SNX29: variants seen among roughly 807,000 people sequenced by gnomAD.
The protein encoded by SNX29 is sorting nexin-29.
Under a neutral mutation model 102.1 loss-of-function variants are expected in SNX29, and 78 were observed. The ratio of observed to expected loss-of-function variants is 0.76; its 90% CI spans 0.64 to 0.92. The LOEUF is 0.92. Ranked by LOEUF, SNX29 falls within the 40% of genes least tolerant of loss-of-function variation. The pLI is 0.00. For synonymous variants in SNX29, 580 were observed against 414.5 expected, an observed-to-expected ratio of 1.40 and a Z score of -4.85; for missense variants, 1,280 against 1,061.7, an observed-to-expected ratio of 1.21 and a Z score of -2.86.
At chr16:12,406,271 A>C (rs1243983984) in intron 18 of SNX29, among the ~76,000 whole-genome samples, 1 of 152,248 alleles carries the variant, frequency 6.6e-6, no homozygotes, top group Non-Finnish European at 1.5e-5. Flanking sequence ...CCATTGTGAA[A>C]GGGAAATGTG....
chr16:12,553,740 A>G (rs983146240), intron 20 of SNX29, among the ~76,000 whole-genome samples: 4 of 151,924 alleles, frequency 2.6e-5, no homozygotes, highest in African/African-American at 4.8e-5. Flanking sequence ...TGCACATGCC[A>G]CCACCCCCAG....
intron 18 of SNX29, among the ~76,000 whole-genome samples, chr16:12,449,007 G>C (rs2086186002): frequency 6.6e-6 from 1 of 152,158 alleles, no homozygotes; most frequent in African/African-American, 2.4e-5. Flanking sequence ...TGAGGAAGAA[G>C]ACTCAGTTTA....
At chr16:12,544,152 C>T (rs1226776865) in intron 20 of SNX29, among the ~76,000 whole-genome samples, 2 of 152,210 alleles carry the variant, frequency 1.3e-5, no homozygotes, top group Non-Finnish European at 2.9e-5. Flanking sequence ...CGGCATCATT[C>T]CTAAGAACAC....
intron 18 of SNX29, among the ~76,000 whole-genome samples, chr16:12,438,063 G>C (rs768922228): frequency 6.6e-6 from 1 of 152,212 alleles, no homozygotes; most frequent in Non-Finnish European, 1.5e-5. Context: ...GGCTTACTGA[G>C]AGTTTCCTGT....
intron 4 of SNX29, among the ~76,000 whole-genome samples, chr16:12,030,000 G>A (rs1596639107): frequency 6.6e-6 from 1 of 152,220 alleles, no homozygotes; most frequent in African/African-American, 2.4e-5. Context: ...CACAGTTACT[G>A]TTGCTGAGCT....
At chr16:12,407,077 C>T (rs757560231) in intron 18 of SNX29, among the ~76,000 whole-genome samples, 42 of 152,298 alleles carry the variant, frequency 2.8e-4, no homozygotes, top group Non-Finnish European at 3.4e-4. Context: ...GCTCTCCTAG[C>T]GTGTGGGATG....
chr16:12,155,302 AGAAAAAT>A (rs1421135299), intron 13 of SNX29, among the ~76,000 whole-genome samples: 3 of 152,234 alleles, frequency 2.0e-5, no homozygotes, highest in Non-Finnish European at 4.4e-5. Context: ...TTAAGCTGAT[AGAAAAAT>A]CCTGTGTTAA....
At chr16:12,348,549 CAT>C (rs1491356127) in intron 15 of SNX29, among the ~76,000 whole-genome samples, 3 of 148,978 alleles carry the variant, frequency 2.0e-5, no homozygotes, top group Non-Finnish European at 4.4e-5. Context: ...TGTGTGTGTA[CAT>C]GTGTGTGTGT....
At chr16:12,267,444 GTGT>G (rs1182939941) in intron 14 of SNX29, among the ~76,000 whole-genome samples, 1 of 152,198 alleles carries the variant, frequency 6.6e-6, no homozygotes, top group Non-Finnish European at 1.5e-5. Context: ...TCATGCCGTG[GTGT>G]TTGAATTCTC....
intron 15 of SNX29, among the ~76,000 whole-genome samples, chr16:12,311,754 CCATCTCTGTA>C (rs2080559770): frequency 6.6e-6 from 1 of 152,364 alleles, no homozygotes; most frequent in Admixed American, 6.5e-5. Flanking sequence ...GAGAGCTTGG[CCATCTCTGTA>C]CATCTCTGCT....
At chr16:12,211,678 G>C (rs1057391399) in intron 14 of SNX29, among the ~76,000 whole-genome samples, 2 of 152,160 alleles carry the variant, frequency 1.3e-5, no homozygotes. Flanking sequence ...CTCTAGGCTG[G>C]AGTCCAGAGA....
intron 15 of SNX29, among the ~76,000 whole-genome samples, chr16:12,330,381 C>T (rs961665935): frequency 4.6e-5 from 7 of 152,114 alleles, no homozygotes; most frequent in African/African-American, 1.4e-4. Flanking sequence ...GCAGGAGAAT[C>T]GCATGAACCC....
chr16:12,014,732 C>CAAAAAAA (rs201224471), intron 3 of SNX29, among the ~76,000 whole-genome samples: 2 of 72,108 alleles, frequency 2.8e-5, no homozygotes, highest in African/African-American at 6.4e-5. Context: ...AGCTCCGTCT[C>CAAAAAAA]AAAAAAAAAA....
intron 8 of SNX29, among the ~76,000 whole-genome samples, chr16:12,054,754 C>G (rs2050449643): frequency 6.6e-6 from 1 of 152,174 alleles, no homozygotes; most frequent in African/African-American, 2.4e-5. Context: ...TTGTATCTCT[C>G]TGTCTCTCTC....
At chr16:12,215,825 C>T (rs830726) in intron 14 of SNX29, among the ~76,000 whole-genome samples, 6,287 of 152,314 alleles carry the variant, frequency 0.041, 245 homozygotes, top group Non-Finnish European at 0.066. Context: ...GCCAATTAAG[C>T]CAAGCAAGGC....
intron 19 of SNX29, among the ~76,000 whole-genome samples, chr16:12,487,551 C>T (rs765465949): frequency 2.0e-5 from 3 of 152,152 alleles, no homozygotes; most frequent in Non-Finnish European, 4.4e-5. Context: ...CAAATGCCGC[C>T]GCACCACCCA....
At chr16:12,563,516 A>G (rs144244273) in intron 20 of SNX29, among the ~76,000 whole-genome samples, 1 of 152,168 alleles carries the variant, frequency 6.6e-6, no homozygotes, top group African/African-American at 2.4e-5. Flanking sequence ...TCCTCCCCGC[A>G]TGTGAAAAAT....
chr16:12,078,579 C>T (rs143833119), intron 10 of SNX29, among the ~76,000 whole-genome samples: 3 of 152,300 alleles, frequency 2.0e-5, no homozygotes, highest in African/African-American at 7.2e-5. Context: ...AAATTATTGG[C>T]CTCTGCACGT....
intron 8 of SNX29, among the ~76,000 whole-genome samples, chr16:12,054,001 T>C (rs1412458004): frequency 6.6e-6 from 1 of 151,424 alleles, no homozygotes; most frequent in Non-Finnish European, 1.5e-5. Context: ...AGAGTCTTGC[T>C]CTGTCGCCCA....
Sources: gnomAD v4.1 joint callset for allele counts (sites outside exome capture counted in the v4.1 genomes callset) on GRCh38, gnomAD v4.1.1 for gene constraint, MANE v1.5 for transcripts, NCBI Gene and HGNC (gene_info 2026-07-23, HGNC 2026-07-21) for gene names.